Variants in FGF2 observed in about 807,000 individuals in gnomAD.
FGF2 encodes fibroblast growth factor 2.
In FGF2, 13 loss-of-function variants were observed where a neutral mutation model predicts 15.9. The observed-to-expected ratio is 0.82, with a 90% CI of 0.53 to 1.30. FGF2 has a LOEUF of 1.30. Ranked by LOEUF, FGF2 falls within the 50% of genes most tolerant of loss-of-function variation. The pLI is 0.00. For missense variants in FGF2, 163 were observed against 196.9 expected (o/e 0.83, Z 1.03); for synonymous variants, 90 against 78.4 (o/e 1.15, Z -0.78).
At chr4:122,855,605 C>T (rs560045627) in intron 1 of FGF2, among the ~76,000 whole-genome samples, 1 of 152,298 alleles carries the variant, frequency 6.6e-6, no homozygotes, top group African/African-American at 2.4e-5. Flanking sequence ...ATGGCACTTC[C>T]ACCTCCAGCT....
chr4:122,826,894 C>T lies in FGF2; in HGVS notation c.-281C>T. ...ATCCCGGGCGCTGCAGCTTGGGAGGCGGCTCTCCCCAGGCGGCGTCCGCGG... is the reference window on the plus strand; with the variant it reads ...ATCCCGGGCGCTGCAGCTTGGGAGGTGGCTCTCCCCAGGCGGCGTCCGCGG... On this transcript the variant is annotated 5_prime_UTR_variant, in exon 1 of 3. Transcript: ENST00000644866. 1.3e-6 allele frequency: 2 copies of T among 1,520,082 alleles called. No individual in the cohort carries two copies. Among genetic ancestry groups the T allele is most frequent in the Non-Finnish European group, 1.8e-6 (2 of 1,137,200 alleles). 94.2% of individuals were successfully genotyped at this position (1,520,082 alleles called of 1,614,324 possible).
At chr4:122,874,397 T>A (rs1047795610) in intron 1 of FGF2, among the ~76,000 whole-genome samples, 5 of 152,252 alleles carry the variant, frequency 3.3e-5, no homozygotes, top group African/African-American at 1.2e-4. Flanking sequence ...AGAATTTCAC[T>A]TGGGTAACTG....
At chr4:122,828,442 T>C (rs894267787) in intron 1 of FGF2, among the ~76,000 whole-genome samples, 2 of 152,234 alleles carry the variant, frequency 1.3e-5, no homozygotes, top group African/African-American at 4.8e-5. Context: ...CTGTGTGTTA[T>C]GGCGTTCCTT....
chr4:122,857,068 G>C (rs546861580), intron 1 of FGF2, among the ~76,000 whole-genome samples: 1 of 152,074 alleles, frequency 6.6e-6, no homozygotes, highest in Non-Finnish European at 1.5e-5. Context: ...GTCAGTGTGG[G>C]GTCCTGAAAT....
At chr4:122,868,194 A>C (rs1418703458) in intron 1 of FGF2, among the ~76,000 whole-genome samples, 1 of 152,156 alleles carries the variant, frequency 6.6e-6, no homozygotes, top group African/African-American at 2.4e-5. Flanking sequence ...ATACATATGC[A>C]GAACGTGCAC....
intron 2 of FGF2, among the ~76,000 whole-genome samples, chr4:122,891,131 C>T (rs1329417757): frequency 1.3e-5 from 2 of 150,518 alleles, no homozygotes; most frequent in Non-Finnish European, 3.0e-5. Context: ...AGCTCCGCCT[C>T]CCAGGTTCAT....
At chr4:122,840,819 C>T (rs1725968626) in intron 1 of FGF2, 1 of 152,112 alleles carries the variant, frequency 6.6e-6, no homozygotes, top group Admixed American at 6.5e-5. Context: ...CACATTGCCC[C>T]CAGAGCTCAC....
At chr4:122,835,008 T>C (rs1014303361) in intron 1 of FGF2, among the ~76,000 whole-genome samples, 1 of 152,188 alleles carries the variant, frequency 6.6e-6, no homozygotes, top group African/African-American at 2.4e-5. Context: ...ACCACTCCTG[T>C]GGCCCCACCC....
chr4:122,877,393 G>A (rs569064978), intron 2 of FGF2, among the ~76,000 whole-genome samples: 4 of 152,236 alleles, frequency 2.6e-5, no homozygotes, highest in Admixed American at 1.3e-4. Flanking sequence ...GATTATAGGC[G>A]TGAGCCACCG....
At chr4:122,868,163 A>C (rs1726643071) in intron 1 of FGF2, among the ~76,000 whole-genome samples, 1 of 151,890 alleles carries the variant, frequency 6.6e-6, no homozygotes, top group Admixed American at 6.6e-5. Context: ...CTTTTTTTAA[A>C]ATTTCTTCTA....
chr4:122,882,807 G>A (rs1329930027), intron 2 of FGF2: 1 of 152,082 alleles, frequency 6.6e-6, no homozygotes, highest in Non-Finnish European at 1.5e-5. Flanking sequence ...TCCAATTTGT[G>A]TGGCTTGATG....
intron 1 of FGF2, among the ~76,000 whole-genome samples, chr4:122,864,247 A>G (rs1039544290): frequency 3.9e-5 from 6 of 152,278 alleles, no homozygotes; most frequent in African/African-American, 1.4e-4. Context: ...GGGACTTAAT[A>G]CTGGGATATT....
rs1258501021 is a variant in FGF2 at position 122,827,093 on chromosome 4, AGGCCGG to A, written c.-67_-62del. 2 of 1,190,690 alleles carry A rather than the reference AGGCCGG, an allele frequency of 1.7e-6. No individual in the cohort carries two copies. Among genetic ancestry groups the A allele is most frequent in the Non-Finnish European group, 2.1e-6 (2 of 962,662 alleles). The allele number at this position is 1,190,690 out of a possible 1,614,324, so 73.8% of individuals were successfully genotyped here. ...GGGGCCGTGCCCCGGAGCGGGTCGGAGGCCGGGGCCGGGGCCGGGGGACGGCGGCTC... is the reference window on the plus strand; with the variant it reads ...GGGGCCGTGCCCCGGAGCGGGTCGGAGGCCGGGGCCGGGGGACGGCGGCTC... On this transcript the variant is annotated 5_prime_UTR_variant, in exon 1 of 3. Coordinates refer to ENST00000644866, the MANE Select transcript of FGF2 (RefSeq NM_001361665.2). This position sits in a 1 kb window ranked among gnomAD's most constrained non-coding sequence, Gnocchi z 4.2.
In FGF2 at chr4:122,897,480, C is replaced by A; in HGVS notation, c.*5084C>A. On this transcript the variant is annotated 3_prime_UTR_variant, in exon 3 of 3. Transcript: ENST00000644866. ...GAAATTATGCTGCTAATTATATCAG[C>A]TCTGAGGTAATTTCTGAAATGTTCA... is the stretch of plus-strand genomic sequence containing the variant. The A allele has an allele frequency of 1.5e-6, 1 of 671,964 alleles. No homozygotes were observed. The highest frequency in any genetic ancestry group is 2.7e-6 in the Non-Finnish European group (1 of 372,468). The allele number at this position is 671,964 out of a possible 1,614,324, so 41.6% of individuals were successfully genotyped here.
chr4:122,883,025 C>A (rs1421855585), intron 2 of FGF2: 2 of 152,170 alleles, frequency 1.3e-5, no homozygotes, highest in Non-Finnish European at 1.5e-5. Flanking sequence ...GTGTTCTGAC[C>A]AGTAGCCATC....
chr4:122,849,991 G>A (rs988267412), intron 1 of FGF2, among the ~76,000 whole-genome samples: 4 of 152,242 alleles, frequency 2.6e-5, no homozygotes, highest in African/African-American at 9.6e-5. Flanking sequence ...GCTGGGCGCG[G>A]TGGCTCACGC....
At chr4:122,859,501 G>T (rs1299564760) in intron 1 of FGF2, among the ~76,000 whole-genome samples, 1 of 152,054 alleles carries the variant, frequency 6.6e-6, no homozygotes, top group African/African-American at 2.4e-5. Flanking sequence ...ATTCATACTT[G>T]CCCTCTTCTA....
chr4:122,862,340 T>G (rs13118682), intron 1 of FGF2, among the ~76,000 whole-genome samples: 6 of 152,224 alleles, frequency 3.9e-5, no homozygotes, highest in Non-Finnish European at 7.3e-5. Flanking sequence ...AAATTGGTAT[T>G]GTATGATTCT....
At position 122,897,543 on chromosome 4, in the gene FGF2, T is replaced by C; in HGVS notation, c.*5147T>C. On this transcript the variant is annotated 3_prime_UTR_variant, in exon 3 of 3. Coordinates refer to ENST00000644866, the MANE Select transcript of FGF2 (RefSeq NM_001361665.2). ...ACAAATTGGAAAATTTAAATTTTTATTCTTAGCTATAAAGCAAGAAAGTAA... is the reference window on the plus strand; with the variant it reads ...ACAAATTGGAAAATTTAAATTTTTACTCTTAGCTATAAAGCAAGAAAGTAA... 1 of 1,024,398 alleles carries C rather than the reference T, an allele frequency of 9.8e-7. No individual in the cohort carries two copies. Among genetic ancestry groups the C allele is most frequent in the Non-Finnish European group, 1.5e-6 (1 of 653,940 alleles). 63.5% of individuals were successfully genotyped at this position (1,024,398 alleles called of 1,614,324 possible). A position where few individuals can be genotyped will look rare whatever the true frequency, so the allele number is the denominator to read the frequency against.
Sources: allele counts gnomAD v4.1 joint callset (sites outside exome capture counted in the v4.1 genomes callset), GRCh38; gene constraint gnomAD v4.1.1; non-coding constraint Gnocchi (gnomAD v3.1); transcripts MANE v1.5; gene names NCBI Gene and HGNC (gene_info 2026-07-23, HGNC 2026-07-21).